The following ST7 variants were observed in gnomAD, a reference collection of about 807,000 sequenced individuals.
ST7 encodes suppressor of tumorigenicity 7 protein.
Under a neutral mutation model 78.7 loss-of-function variants are expected in ST7, and 28 were observed. The ratio of observed to expected loss-of-function variants is 0.36; its 90% CI spans 0.26 to 0.49. The LOEUF (loss-of-function observed/expected upper bound fraction) is 0.49. Among genes scored for constraint, ST7 ranks in the 20% least tolerant of loss-of-function variants. The pLI is 0.99. For synonymous variants in ST7, 247 were observed against 249.6 expected (o/e 0.99, Z 0.10); for missense variants, 418 against 696.0 (o/e 0.60, Z 4.49).
chr7:117,112,907 G>A (rs1393050548), intron 2 of ST7, among the ~76,000 whole-genome samples: 3 of 152,308 alleles, frequency 2.0e-5, no homozygotes, highest in South Asian at 2.1e-4. Flanking sequence ...TGTTCACCAC[G>A]GAAGTAAATG....
At chr7:117,208,227 GA>G (rs1791957625) in intron 12 of ST7, among the ~76,000 whole-genome samples, 1 of 152,096 alleles carries the variant, frequency 6.6e-6, no homozygotes, top group Admixed American at 6.6e-5. Flanking sequence ...GTAGTTCATA[GA>G]ATCCAAAAAG....
At chr7:117,001,543 T>C (rs781554895) in intron 1 of ST7, among the ~76,000 whole-genome samples, 4 of 152,186 alleles carry the variant, frequency 2.6e-5, no homozygotes, top group African/African-American at 9.6e-5. Context: ...GATCAGGCAA[T>C]GATACTTTCA....
intron 1 of ST7, chr7:117,014,992 C>G (rs1317970047): frequency 1.5e-6 from 2 of 1,366,026 alleles, no homozygotes; most frequent in Non-Finnish European, 1.9e-6. Flanking sequence ...TTCCTGCTTA[C>G]TGCTTCATTA....
chr7:117,189,835 C>T (rs550334347), intron 11 of ST7, among the ~76,000 whole-genome samples: 35 of 152,186 alleles, frequency 2.3e-4, no homozygotes, highest in Non-Finnish European at 4.4e-4. Flanking sequence ...TAGCCCCCCA[C>T]TGGTCTATTA....
chr7:117,183,470 T>C (rs562476579), intron 10 of ST7, among the ~76,000 whole-genome samples: 1 of 151,904 alleles, frequency 6.6e-6, no homozygotes, highest in Non-Finnish European at 1.5e-5. Flanking sequence ...CAATTACATA[T>C]AGTTACAGGT....
chr7:117,203,147 A>G (rs1187116145), intron 12 of ST7, among the ~76,000 whole-genome samples: 28 of 152,220 alleles, frequency 1.8e-4, no homozygotes, highest in Admixed American at 1.8e-3. Context: ...TCTGAAAACC[A>G]GTTACTGAAG....
intron 1 of ST7, among the ~76,000 whole-genome samples, chr7:117,011,114 C>A (rs777916863): frequency 1.3e-5 from 2 of 152,108 alleles, no homozygotes; most frequent in Non-Finnish European, 2.9e-5. Flanking sequence ...GTAGGCAGAT[C>A]CTCCAACAGT....
chr7:117,089,566 GT>G (rs1222476861), intron 1 of ST7, among the ~76,000 whole-genome samples: 1 of 148,388 alleles, frequency 6.7e-6, no homozygotes, highest in East Asian at 2.0e-4. Context: ...TTTGTTTTTT[GT>G]TTTTTTGTTT....
chr7:117,214,889 G>T (rs1253140718), intron 13 of ST7, among the ~76,000 whole-genome samples: 2 of 150,972 alleles, frequency 1.3e-5, no homozygotes, highest in African/African-American at 4.9e-5. Flanking sequence ...ATAAGAATCT[G>T]AAATGCTTTG....
chr7:117,179,940 A>G (rs902062371), intron 10 of ST7, among the ~76,000 whole-genome samples: 2 of 152,126 alleles, frequency 1.3e-5, no homozygotes, highest in African/African-American at 4.8e-5. Flanking sequence ...GACCTCTGAC[A>G]CTATAGTGGA....
At chr7:117,108,685 A>G (rs1802173914) in intron 2 of ST7, among the ~76,000 whole-genome samples, 1 of 152,046 alleles carries the variant, frequency 6.6e-6, no homozygotes, top group South Asian at 2.1e-4. Flanking sequence ...TTTCGGCAGT[A>G]TGGTCATTTT....
chr7:117,191,001 T>C, intron 12 of ST7, 65 bp downstream of exon 12: 1 of 1,295,370 alleles, frequency 7.7e-7, no homozygotes. Context: ...TTGACCACAG[T>C]GTTGTATCTC....
At chr7:117,092,151 T>C (rs1397648197) in intron 1 of ST7, among the ~76,000 whole-genome samples, 1 of 151,776 alleles carries the variant, frequency 6.6e-6, no homozygotes, top group African/African-American at 2.4e-5. Flanking sequence ...AATAACTGGG[T>C]GCCTGTAGTC....
At chr7:117,061,967 G>T (rs1363369593) in intron 1 of ST7, among the ~76,000 whole-genome samples, 1 of 152,154 alleles carries the variant, frequency 6.6e-6, no homozygotes, top group East Asian at 1.9e-4. Context: ...AGGCTGGGTG[G>T]CTCAACAGGA....
rs34616975 is a variant in ST7 at position 117,119,935 on chromosome 7, C to CTT, written c.394+225_394+226dup. Reference sequence around the variant, plus strand: ...TGCTTATCTTATTAATTTTACCCTCCTTTTTTTTTTTATGTGAGAGTCTTG... The same window carrying CTT: ...TGCTTATCTTATTAATTTTACCCTCCTTTTTTTTTTTTTATGTGAGAGTCTTG... On this transcript the variant is annotated intron_variant, in intron 3 of 15. Coordinates refer to ENST00000323984, the MANE Select transcript of ST7 (RefSeq NM_001369598.1). Among the ~76,000 whole-genome samples, 10 of 145,760 alleles carry CTT rather than the reference C, an allele frequency of 6.9e-5. No individual in the cohort carries two copies. The East Asian group carries it at 1.0e-3, about 15-fold the overall frequency.
intron 1 of ST7, among the ~76,000 whole-genome samples, chr7:116,990,788 C>T (rs1033395184): frequency 8.5e-5 from 13 of 152,264 alleles, no homozygotes; most frequent in African/African-American, 3.1e-4. Flanking sequence ...GTTGCACTTA[C>T]CATTATCTGA....
chr7:117,179,191 AAC>A (rs1313389244), intron 10 of ST7, among the ~76,000 whole-genome samples: 1 of 152,228 alleles, frequency 6.6e-6, no homozygotes, highest in Non-Finnish European at 1.5e-5. Context: ...TAGAACGTAC[AAC>A]ACTGATCAAT....
intron 1 of ST7, among the ~76,000 whole-genome samples, chr7:116,976,080 G>A (rs1793690889): frequency 6.6e-6 from 1 of 152,038 alleles, no homozygotes; most frequent in Admixed American, 6.6e-5. Flanking sequence ...GGCCAACATG[G>A]TGAAACCCCT....
At chr7:117,142,302 C>T (rs186050746) in intron 9 of ST7, among the ~76,000 whole-genome samples, 1 of 152,172 alleles carries the variant, frequency 6.6e-6, no homozygotes, top group East Asian at 1.9e-4. Flanking sequence ...TATGAAAGAA[C>T]TCAAAAGCTG....
Sources: gnomAD v4.1 joint callset for allele counts (sites outside exome capture counted in the v4.1 genomes callset) on GRCh38, gnomAD v4.1.1 for gene constraint, MANE v1.5 for transcripts, NCBI Gene and HGNC (gene_info 2026-07-23, HGNC 2026-07-21) for gene names.